ACSL3: variants seen among roughly 807,000 people sequenced by gnomAD.
ACSL3 encodes acyl-CoA synthetase long chain family member 3.
In ACSL3, 34 loss-of-function variants were observed where a neutral mutation model predicts 84.7. The observed-to-expected ratio is 0.40, with a 90% CI of 0.31 to 0.53. ACSL3 has a LOEUF of 0.53. Ranked by LOEUF, ACSL3 falls within the 20% of genes least tolerant of loss-of-function variation. ACSL3 has a pLI of 0.48. For missense variants in ACSL3, 680 were observed against 873.1 expected (o/e 0.78, Z 2.79); for synonymous variants, 315 against 299.4 (o/e 1.05, Z -0.54).
intron 1 of ACSL3, among the ~76,000 whole-genome samples, chr2:222,871,600 A>G (rs536362496): frequency 4.6e-5 from 7 of 152,260 alleles, no homozygotes; most frequent in African/African-American, 1.7e-4. Context: ...AGTGAAGAAA[A>G]TGCAGTGAAT....
chr2:222,888,779 T>G (rs1695777910), intron 2 of ACSL3, among the ~76,000 whole-genome samples: 1 of 152,220 alleles, frequency 6.6e-6, no homozygotes, highest in African/African-American at 2.4e-5. Context: ...GACGCTTTGT[T>G]TGCGACGCTT....
chr2:222,889,127 T>C (rs1409451048), intron 2 of ACSL3, among the ~76,000 whole-genome samples: 1 of 152,250 alleles, frequency 6.6e-6, no homozygotes, highest in Non-Finnish European at 1.5e-5. Flanking sequence ...TGATAGATTT[T>C]AAATAGGTAG....
At chr2:222,926,940 CTGGGGGA>C in intron 11 of ACSL3, 70 bp from the exon 12 acceptor site, 1 of 1,476,380 alleles carries the variant, frequency 6.8e-7, no homozygotes. Context: ...CATATCAAAA[CTGGGGGA>C]TTAGTTTAAG....
intron 2 of ACSL3, among the ~76,000 whole-genome samples, chr2:222,900,038 CAGTAAT>C (rs1377405081): frequency 6.6e-6 from 1 of 152,208 alleles, no homozygotes; most frequent in Non-Finnish European, 1.5e-5. Context: ...ACGCCTCTGA[CAGTAAT>C]ACTCATTCTA....
intron 8 of ACSL3, 109 bp from the exon 9 acceptor site, chr2:222,922,599 T>C: frequency 7.3e-7 from 1 of 1,366,956 alleles, no homozygotes. Context: ...GACCAGCAAA[T>C]TGATGCCCTG....
At chr2:222,939,791 A>G (rs1028786576) in intron 16 of ACSL3, among the ~76,000 whole-genome samples, 13 of 152,124 alleles carry the variant, frequency 8.5e-5, no homozygotes, top group Non-Finnish European at 1.9e-4. Context: ...AGGCCCATAT[A>G]GCATTGTTAA....
intron 7 of ACSL3, among the ~76,000 whole-genome samples, chr2:222,920,092 C>T (rs1696692344): frequency 6.6e-6 from 1 of 151,928 alleles, no homozygotes; most frequent in Admixed American, 6.6e-5. Context: ...GAGTCATCAG[C>T]AGGATCAGGG....
intron 3 of ACSL3, among the ~76,000 whole-genome samples, chr2:222,902,014 G>A (rs1161374603): frequency 6.8e-6 from 1 of 146,836 alleles, no homozygotes; most frequent in African/African-American, 2.5e-5. Context: ...TGAAACCTCA[G>A]TGGTAAACAC....
chr2:222,915,055 C>T (rs547764467), intron 4 of ACSL3, among the ~76,000 whole-genome samples: 18 of 152,304 alleles, frequency 1.2e-4, no homozygotes, highest in South Asian at 4.1e-4. Flanking sequence ...TAAATCCTGT[C>T]ACTTACATAT....
chr2:222,932,055 C>G (rs553048582), intron 14 of ACSL3, among the ~76,000 whole-genome samples: 2 of 152,286 alleles, frequency 1.3e-5, no homozygotes, highest in East Asian at 3.9e-4. Context: ...AACCAACCAA[C>G]CATCCAACCC....
chr2:222,925,530 T>G (rs1446919981), intron 11 of ACSL3, among the ~76,000 whole-genome samples: 4 of 151,558 alleles, frequency 2.6e-5, no homozygotes, highest in African/African-American at 9.7e-5. Context: ...AGTGGGAGGA[T>G]TATTTGGGCC....
chr2:222,881,599 C>T (rs1305599962), intron 1 of ACSL3, among the ~76,000 whole-genome samples: 1 of 152,334 alleles, frequency 6.6e-6, no homozygotes, highest in South Asian at 2.1e-4. Flanking sequence ...TTACTGCAAC[C>T]TCCGCTTCCC....
At chr2:222,925,487 A>C (rs893152158) in intron 11 of ACSL3, among the ~76,000 whole-genome samples, 1 of 152,008 alleles carries the variant, frequency 6.6e-6, no homozygotes, top group Non-Finnish European at 1.5e-5. Context: ...CAGCTACTTC[A>C]GGGACTGAAG....
At chr2:222,940,750 G>A (rs2106146667) in intron 16 of ACSL3, among the ~76,000 whole-genome samples, 1 of 152,276 alleles carries the variant, frequency 6.6e-6, no homozygotes, top group African/African-American at 2.4e-5. Context: ...TATATAGTAG[G>A]CTATACCATC....
intron 2 of ACSL3, among the ~76,000 whole-genome samples, chr2:222,899,586 G>T (rs561985854): frequency 6.6e-6 from 1 of 152,236 alleles, no homozygotes; most frequent in Non-Finnish European, 1.5e-5. Context: ...AAGAATTCAG[G>T]GCGAGTCCAT....
intron 1 of ACSL3, among the ~76,000 whole-genome samples, chr2:222,879,854 C>T (rs929638990): frequency 1.3e-5 from 2 of 151,964 alleles, no homozygotes; most frequent in African/African-American, 4.8e-5. Flanking sequence ...GTTGACATCA[C>T]TGGAGACTGT....
intron 1 of ACSL3, among the ~76,000 whole-genome samples, chr2:222,886,247 C>A (rs1414720450): frequency 1.3e-5 from 2 of 152,016 alleles, no homozygotes; most frequent in African/African-American, 2.4e-5. Context: ...CACCTACAGG[C>A]CCAAGTGTAT....
intron 16 of ACSL3, among the ~76,000 whole-genome samples, chr2:222,935,648 A>G (rs1047366728): frequency 6.6e-6 from 1 of 152,148 alleles, no homozygotes; most frequent in Non-Finnish European, 1.5e-5. Context: ...AATATTTTTA[A>G]TCTTTGAAGA....
intron 1 of ACSL3, among the ~76,000 whole-genome samples, chr2:222,871,878 A>G (rs1695312001): frequency 6.6e-6 from 1 of 152,022 alleles, no homozygotes; most frequent in Non-Finnish European, 1.5e-5. Flanking sequence ...TTGCTTTGGG[A>G]CCACAGATGT....
Sources: gnomAD v4.1 joint callset for allele counts (sites outside exome capture counted in the v4.1 genomes callset) on GRCh38, gnomAD v4.1.1 for gene constraint, MANE v1.5 for transcripts, NCBI Gene and HGNC (gene_info 2026-07-23, HGNC 2026-07-21) for gene names.